The following MSR1 variants were observed in gnomAD, a reference collection of about 807,000 sequenced individuals.
The protein encoded by MSR1 is macrophage scavenger receptor 1.
In MSR1, 53 loss-of-function variants were observed where a neutral mutation model predicts 47.2. The observed-to-expected ratio is 1.12, with a 90% confidence interval of 0.90 to 1.41. The LOEUF is 1.41. Among genes scored for constraint, MSR1 ranks in the 40% most tolerant of loss-of-function variants. MSR1 has a pLI of 0.00. For missense variants in MSR1, 786 were observed against 546.9 expected, an observed-to-expected ratio of 1.44 and a Z score of -4.36; for synonymous variants, 239 against 185.6, an observed-to-expected ratio of 1.29 and a Z score of -2.34.
intron 1 of MSR1, among the ~76,000 whole-genome samples, chr8:16,180,845 C>T (rs1426918719): frequency 6.6e-6 from 1 of 152,118 alleles, no homozygotes; most frequent in Non-Finnish European, 1.5e-5. Flanking sequence ...AGTTGGTTTT[C>T]ATGAATGCTA....
rs553642969 is a variant in MSR1, at chr8:16,129,240, G to C, written c.1034-8634C>G. Among the ~76,000 whole-genome samples, 22 of 152,168 alleles carry C rather than the reference G, an allele frequency of 1.4e-4. No homozygotes were observed. The East Asian group carries it at 3.1e-3, about 21-fold the overall frequency. The stretch of plus-strand genomic sequence containing the variant: ...TCATTTTGCTAAATAATTCACATTA[G>C]AATTCCTTTATATAGGTCCCTAAAA... On this transcript the variant is annotated intron_variant, in intron 8 of 9. Transcript: ENST00000262101.
chr8:16,176,963 A>T (rs34628093), intron 2 of MSR1, among the ~76,000 whole-genome samples: 1 of 152,210 alleles, frequency 6.6e-6, no homozygotes, highest in East Asian at 1.9e-4. Flanking sequence ...ACACTGAAAT[A>T]TCTTCTCTTT....
chr8:16,159,726 AC>A lies in MSR1; in HGVS notation c.817+4338del, dbSNP rs1263300711. On this transcript the variant is annotated intron_variant, in intron 5 of 9. Transcript: ENST00000262101. ...ACTGTTCTCGAAGAGAATATGAGAT[AC>A]TTTTATACATAACTATCACATTAAG... is the stretch of plus-strand genomic sequence containing the variant. Among the ~76,000 whole-genome samples the A allele has an allele frequency of 3.3e-5, 5 of 152,122 alleles. No individual in the cohort carries two copies. The South Asian group carries it at 6.2e-4, about 19-fold the overall frequency.
At chr8:16,179,678 G>A (rs1801766943) in intron 1 of MSR1, among the ~76,000 whole-genome samples, 2 of 151,788 alleles carry the variant, frequency 1.3e-5, no homozygotes, top group South Asian at 4.2e-4. Flanking sequence ...TCAGGATTTC[G>A]AGACCAGCCT....
intron 9 of MSR1, among the ~76,000 whole-genome samples, chr8:16,114,579 C>T (rs1009005091): frequency 6.6e-6 from 1 of 152,120 alleles, no homozygotes; most frequent in African/African-American, 2.4e-5. Flanking sequence ...AAGTGACTCA[C>T]TCTCCTTTCC....
chr8:16,129,336 T>G (rs2117080358), intron 8 of MSR1, among the ~76,000 whole-genome samples: 1 of 152,134 alleles, frequency 6.6e-6, no homozygotes, highest in Middle Eastern at 3.4e-3. Context: ...AAAATGAAAA[T>G]AACTACAGCA....
chr8:16,126,010 A>C (rs371155272), intron 8 of MSR1, among the ~76,000 whole-genome samples: 90 of 152,302 alleles, frequency 5.9e-4, no homozygotes, highest in African/African-American at 2.1e-3. Flanking sequence ...AGTGGTACAC[A>C]TGACTGTGTA....
At position 16,138,632 on chromosome 8, in the gene MSR1, G is replaced by C. The variant is rs114433347; in HGVS notation, c.1033+4926C>G. Among the ~76,000 whole-genome samples, 237 of 152,234 alleles carry C rather than the reference G, an allele frequency of 1.6e-3. 1 individual carries two copies. Among genetic ancestry groups the C allele is most frequent in the African/African-American group, 5.6e-3 (231 of 41,562 alleles). On this transcript the variant is annotated intron_variant, in intron 8 of 9. Coordinates refer to ENST00000262101, the MANE Select transcript of MSR1 (RefSeq NM_138715.3). ...CAGCATCTCTGGGACCGAGGCCATC[G>C]TGTGGCTGATGTAGACCAAGGTCTG... is the stretch of plus-strand genomic sequence containing the variant.
intron 1 of MSR1, among the ~76,000 whole-genome samples, chr8:16,179,227 C>T (rs940349680): frequency 7.9e-5 from 12 of 152,126 alleles, no homozygotes; most frequent in African/African-American, 2.7e-4. Flanking sequence ...AAAGAAATGT[C>T]TGGATCTGAA....
Position 16,164,224 on chromosome 8 carries a change from A to T in MSR1, c.658T>A (p.Tyr220Asn), listed in dbSNP as rs781409313. The T allele has an allele frequency of 1.9e-6, 3 of 1,611,972 alleles. No homozygotes were observed. The highest frequency in any genetic ancestry group is 2.7e-5 in the African/African-American group (2 of 74,858). ...EEISKLEERVYNVSAEIMAMK... is the reference protein window; with the variant it reads ...EEISKLEERVNNVSAEIMAMK... ...GCCATAATTTCTGCTGATACATTGTAAACACGCTCCTCTAATTTACTGATT... is the reference window on the plus strand; with the variant it reads ...GCCATAATTTCTGCTGATACATTGTTAACACGCTCCTCTAATTTACTGATT... Residue 220 changes from tyrosine (Y) to asparagine (N), a missense_variant, in exon 5 of 10, where the codon TAC becomes AAC. Coordinates refer to ENST00000262101, the MANE Select transcript of MSR1 (RefSeq NM_138715.3).
At chr8:16,146,405 A>T (rs12541803) in intron 7 of MSR1, among the ~76,000 whole-genome samples, 1 of 152,080 alleles carries the variant, frequency 6.6e-6, no homozygotes, top group African/African-American at 2.4e-5. Context: ...AACAAAACTA[A>T]CAAAAAATGC....
At chr8:16,121,278 G>A in intron 8 of MSR1, 2 of 309,422 alleles carry the variant, frequency 6.5e-6, no homozygotes, top group South Asian at 2.9e-5. Context: ...GATTCAAATA[G>A]TAAACTACAA....
rs1213137251 is a variant in MSR1 at position 16,164,132 on chromosome 8, G to C, written c.750C>G (p.Ile250Met). ...IKGEVKVLNN[I>M]TNDLRLKDWE... ...AATCTTTCAGTCTGAGATCATTAGT[G>C]ATGTTATTCAGTACTTTCACTTCTC... Residue 250 changes from isoleucine to methionine, a missense_variant, in exon 5 of 10, where the codon ATC becomes ATG. Transcript: ENST00000262101. 6.2e-6 allele frequency: 10 copies of C among 1,611,882 alleles called. No homozygotes were observed. The highest frequency in any genetic ancestry group is 8.5e-6 in the Non-Finnish European group (10 of 1,178,640).
At chr8:16,169,947 T>C (rs186051368) in intron 3 of MSR1, among the ~76,000 whole-genome samples, 1 of 152,242 alleles carries the variant, frequency 6.6e-6, no homozygotes, top group Admixed American at 6.5e-5. Flanking sequence ...CTGATAGATA[T>C]CCCCAAATGG....
rs201538682 is a variant in MSR1, at chr8:16,161,033, A to ATT, written c.817+3030_817+3031dup. Among the ~76,000 whole-genome samples the ATT allele has an allele frequency of 3.3e-3, 434 of 130,846 alleles. 3 individuals are homozygous for ATT. Among genetic ancestry groups the ATT allele is most frequent in the African/African-American group, 9.3e-3 (336 of 36,284 alleles). The allele number at this position is 130,846 out of a possible 152,430, so 85.8% of individuals were successfully genotyped here. ...ATTTGTGTGGGTTTTCTTAAATAGC[A>ATT]TTTTTTTTTTTTTTTTTTTGCTATT... On this transcript the variant is annotated intron_variant, in intron 5 of 9. Transcript: ENST00000262101.
At chr8:16,167,266 A>G (rs1011374279) in intron 4 of MSR1, among the ~76,000 whole-genome samples, 1 of 152,168 alleles carries the variant, frequency 6.6e-6, no homozygotes, top group African/African-American at 2.4e-5. Context: ...ATGGTCAGCC[A>G]GGCGCAGTGG....
At chr8:16,155,242 C>G (rs1353203411) in intron 5 of MSR1, 98 bp from the exon 6 acceptor site, 2 of 835,832 alleles carry the variant, frequency 2.4e-6, no homozygotes, top group African/African-American at 3.4e-5. Context: ...CCAAAGTCTT[C>G]TATTTGTTGT....
At chr8:16,133,666 AACACTTCT>A (rs1488755891) in intron 8 of MSR1, among the ~76,000 whole-genome samples, 3 of 152,142 alleles carry the variant, frequency 2.0e-5, no homozygotes, top group African/African-American at 7.2e-5. Flanking sequence ...CTTTGACTGT[AACACTTCT>A]ACCTCTTGGT....
chr8:16,164,106 CA>C lies in MSR1; in HGVS notation c.775del (p.Trp259GlyfsTer7). ...ATTTCTCAAGGTCTGAGAATGTTCC[CA>C]ATCTTTCAGTCTGAGATCATTAGTG... is the stretch of plus-strand genomic sequence containing the variant. ...NITNDLRLKD[W>X]EHSQTLRNIT... On this transcript the variant is annotated frameshift_variant, in exon 5 of 10. Coordinates refer to ENST00000262101, the MANE Select transcript of MSR1 (RefSeq NM_138715.3). LOFTEE classifies it high-confidence loss of function. 6.2e-7 allele frequency: 1 copy of C among 1,610,516 alleles called. No individual in the cohort carries two copies. The highest frequency in any genetic ancestry group is 8.5e-7 in the Non-Finnish European group (1 of 1,177,844).
Sources: allele counts gnomAD v4.1 joint callset (sites outside exome capture counted in the v4.1 genomes callset), GRCh38; gene constraint gnomAD v4.1.1; transcripts MANE v1.5; gene names NCBI Gene and HGNC (gene_info 2026-07-23, HGNC 2026-07-21).